The following FOXP1 variants were observed in gnomAD, a reference collection of about 807,000 sequenced individuals.
FOXP1 encodes the protein forkhead box protein P1.
Under a neutral mutation model 98.2 loss-of-function variants are expected in FOXP1, and 15 were observed. The observed-to-expected ratio is 0.15, with a 90% CI of 0.10 to 0.24. The LOEUF is 0.24. Among genes scored for constraint, FOXP1 ranks in the 10% least tolerant of loss-of-function variants. FOXP1 has a pLI of 1.00. For synonymous variants in FOXP1, 371 were observed against 314.5 expected (o/e 1.18, Z -1.90); for missense variants, 633 against 848.5 (o/e 0.75, Z 3.15).
chr3:70,992,949 CA>C (rs2040835384), intron 13 of FOXP1, among the ~76,000 whole-genome samples: 1 of 152,154 alleles, frequency 6.6e-6, no homozygotes, highest in South Asian at 2.1e-4. Flanking sequence ...TTGTGCAGGG[CA>C]TATCAGGAGG....
chr3:71,049,664 T>C (rs1182616836), intron 9 of FOXP1, among the ~76,000 whole-genome samples: 3 of 151,980 alleles, frequency 2.0e-5, no homozygotes, highest in East Asian at 1.9e-4. Context: ...CCTGACAATA[T>C]AAAATTATGA....
chr3:71,450,479 G>A (rs901170805), intron 3 of FOXP1, among the ~76,000 whole-genome samples: 3 of 152,158 alleles, frequency 2.0e-5, no homozygotes, highest in South Asian at 2.1e-4. Context: ...ATTTGTGTAC[G>A]ATTTTGTATG....
Position 70,988,864 on chromosome 3 carries a change from T to C in FOXP1, c.1063-787A>G, listed in dbSNP as rs555650338. ...ATAGGGGACACATAACGATTACTTCTGTAAAAGAAGTGGGAAATATATCCC... is the reference window on the plus strand; with the variant it reads ...ATAGGGGACACATAACGATTACTTCCGTAAAAGAAGTGGGAAATATATCCC... On this transcript the variant is annotated intron_variant, in intron 13 of 20. Coordinates refer to ENST00000649528, the MANE Select transcript of FOXP1 (RefSeq NM_001349338.3). Among the ~76,000 whole-genome samples the C allele has an allele frequency of 3.3e-5, 5 of 152,274 alleles. 1 individual carries two copies. Among genetic ancestry groups the C allele is most frequent in the African/African-American group, 9.6e-5 (4 of 41,550 alleles).
At chr3:71,408,844 A>G (rs2082526679) in intron 3 of FOXP1, among the ~76,000 whole-genome samples, 1 of 152,188 alleles carries the variant, frequency 6.6e-6, no homozygotes, top group Non-Finnish European at 1.5e-5. Flanking sequence ...ATAAACCACT[A>G]AATTGGCTAG....
intron 11 of FOXP1, among the ~76,000 whole-genome samples, chr3:71,024,597 C>T (rs1393087035): frequency 2.0e-5 from 3 of 152,310 alleles, no homozygotes; most frequent in South Asian, 2.1e-4. Flanking sequence ...TTCCCCAGAA[C>T]GCTCATCATC....
Position 71,406,413 on chromosome 3 carries a change from A to G in FOXP1, c.-167-47169T>C, listed in dbSNP as rs1033798241. Among the ~76,000 whole-genome samples, 12 of 140,562 alleles carry G rather than the reference A, an allele frequency of 8.5e-5. 1 individual carries two copies. The highest frequency in any genetic ancestry group is 1.1e-4 in the Non-Finnish European group (7 of 62,292). The allele number at this position is 140,562 out of a possible 152,430, so 92.2% of individuals were successfully genotyped here. On this transcript the variant is annotated intron_variant, in intron 3 of 20. Transcript: ENST00000649528. ...ACATAATAACTGTATGTGTATATAT[A>G]TATATATATATGGTACAGTATGATT...
chr3:71,306,631 C>A (rs1203053397), intron 4 of FOXP1, among the ~76,000 whole-genome samples: 2 of 42,852 alleles, frequency 4.7e-5, no homozygotes. Flanking sequence ...GAGAATAAGC[C>A]AAAAAAAAAA....
At chr3:71,429,392 T>C (rs2108375052) in intron 3 of FOXP1, among the ~76,000 whole-genome samples, 1 of 149,800 alleles carries the variant, frequency 6.7e-6, no homozygotes, top group African/African-American at 2.5e-5. Context: ...TGGTTTGCTC[T>C]GAGCATTTCA....
intron 3 of FOXP1, among the ~76,000 whole-genome samples, chr3:71,470,440 C>T (rs1256144203): frequency 1.3e-5 from 2 of 152,130 alleles, no homozygotes; most frequent in African/African-American, 4.8e-5. Context: ...AATGGCTTTC[C>T]TTAAAAAACA....
chr3:71,014,734 ACCAAC>A, intron 12 of FOXP1, among the ~76,000 whole-genome samples: 1 of 152,350 alleles, frequency 6.6e-6, no homozygotes, highest in East Asian at 1.9e-4. Context: ...AATACTTGGA[ACCAAC>A]CCAAATGTCC....
intron 16 of FOXP1, among the ~76,000 whole-genome samples, 199 bp from the exon 17 acceptor site, chr3:70,977,241 TTTTA>T (rs1351918968): frequency 5.9e-5 from 9 of 152,052 alleles, no homozygotes; most frequent in African/African-American, 2.2e-4. Flanking sequence ...TGTTTTGAGT[TTTTA>T]TTTCTGTTTC....
chr3:71,269,553 C>T (rs899385295), intron 5 of FOXP1, among the ~76,000 whole-genome samples: 1 of 152,130 alleles, frequency 6.6e-6, no homozygotes, highest in East Asian at 1.9e-4. Flanking sequence ...TTACGAATTC[C>T]ATCTCAGCAT....
intron 3 of FOXP1, among the ~76,000 whole-genome samples, chr3:71,373,866 C>T (rs1473690343): frequency 3.3e-5 from 5 of 152,276 alleles, no homozygotes; most frequent in African/African-American, 1.2e-4. Flanking sequence ...CTTCTTGTAG[C>T]AAAGACAAAG....
chr3:71,203,683 T>C (rs2063806860), intron 5 of FOXP1, among the ~76,000 whole-genome samples: 1 of 152,194 alleles, frequency 6.6e-6, no homozygotes, highest in Admixed American at 6.5e-5. Flanking sequence ...ATAAATGCCC[T>C]TAAAGAAGTT....
intron 12 of FOXP1, among the ~76,000 whole-genome samples, chr3:71,006,307 C>T (rs1415957918): frequency 6.6e-6 from 1 of 151,942 alleles, no homozygotes; most frequent in Non-Finnish European, 1.5e-5. Flanking sequence ...AGAGTCAGAG[C>T]TTTTTATGAG....
At chr3:71,175,752 T>C (rs1050483869) in intron 6 of FOXP1, among the ~76,000 whole-genome samples, 10 of 152,210 alleles carry the variant, frequency 6.6e-5, no homozygotes, top group African/African-American at 2.4e-4. Flanking sequence ...GAAATGTACA[T>C]AGTTTGACTT....
At chr3:71,404,134 T>TA (rs2082145429) in intron 3 of FOXP1, among the ~76,000 whole-genome samples, 1 of 131,136 alleles carries the variant, frequency 7.6e-6, no homozygotes, top group African/African-American at 2.8e-5. Flanking sequence ...TTTTTTTTTT[T>TA]TTTTTTTTTT....
intron 6 of FOXP1, among the ~76,000 whole-genome samples, chr3:71,134,762 A>C (rs945415832): frequency 6.6e-6 from 1 of 152,222 alleles, no homozygotes; most frequent in African/African-American, 2.4e-5. Context: ...AATGCAGCAG[A>C]AAGGGGGGAA....
At chr3:71,170,660 C>A (rs1341482181) in intron 6 of FOXP1, among the ~76,000 whole-genome samples, 3 of 152,146 alleles carry the variant, frequency 2.0e-5, no homozygotes, top group African/African-American at 7.2e-5. Context: ...TAGCTGAAAA[C>A]CATTTTGCAT....
Sources: gnomAD v4.1 joint callset for allele counts (sites outside exome capture counted in the v4.1 genomes callset) on GRCh38, gnomAD v4.1.1 for gene constraint, MANE v1.5 for transcripts, NCBI Gene and HGNC (gene_info 2026-07-23, HGNC 2026-07-21) for gene names.